Variants in SCYL2 observed in about 807,000 individuals in gnomAD.
SCYL2 encodes the protein SCY1-like protein 2.
A neutral mutation model predicts 100.4 loss-of-function variants in SCYL2; 36 were observed. The observed-to-expected ratio is 0.36, with a 90% CI of 0.27 to 0.47. SCYL2 has a LOEUF of 0.47. SCYL2 is among the 20% of genes least tolerant of loss of function. The probability of loss-of-function intolerance (pLI) is 1.00; values close to 1 mark genes in which losing one functional copy is unlikely to be tolerated. For missense variants in SCYL2, 902 were observed against 1,083.9 expected, an observed-to-expected ratio of 0.83 and a Z score of 2.36; for synonymous variants, 330 against 359.2, an observed-to-expected ratio of 0.92 and a Z score of 0.92.
chr12:100,338,365 G>T (rs2135948882), intron 17 of SCYL2, among the ~76,000 whole-genome samples, 163 bp from the exon 18 acceptor site: 1 of 152,204 alleles, frequency 6.6e-6, no homozygotes, highest in East Asian at 1.9e-4. Context: ...TATAAAAATA[G>T]GTGGCAGGCT....
At chr12:100,291,073 T>G (rs2096309997) in intron 2 of SCYL2, among the ~76,000 whole-genome samples, 1 of 152,196 alleles carries the variant, frequency 6.6e-6, no homozygotes, top group South Asian at 2.1e-4. Flanking sequence ...TACTACAAAT[T>G]CATTTTTCTT....
At chr12:100,318,059 A>G (rs371664409) in intron 10 of SCYL2, 134 bp downstream of exon 10, 2 of 764,018 alleles carry the variant, frequency 2.6e-6, no homozygotes, top group African/African-American at 3.6e-5. Flanking sequence ...TTTGAATCAC[A>G]TTATTGATAT....
intron 1 of SCYL2, among the ~76,000 whole-genome samples, chr12:100,271,583 T>G (rs564959738): frequency 8.5e-5 from 13 of 152,328 alleles, no homozygotes; most frequent in Admixed American, 2.6e-4. Context: ...TGTTTTATAT[T>G]GTTGTTCTTT....
At chr12:100,279,061 C>T (rs1157496785) in intron 1 of SCYL2, among the ~76,000 whole-genome samples, 1 of 152,046 alleles carries the variant, frequency 6.6e-6, no homozygotes, top group East Asian at 1.9e-4. Context: ...TGTGTTTATC[C>T]TGTGTGTGGT....
At position 100,267,642 on chromosome 12, in the gene SCYL2, G is replaced by C. The variant is rs2096280176; in HGVS notation, c.-179G>C. The C allele has an allele frequency of 6.6e-6, 1 of 152,348 alleles. No individual in the cohort carries two copies. The highest frequency in any genetic ancestry group is 2.0e-4 in the South Asian group (1 of 4,930). 9.4% of individuals were successfully genotyped at this position (152,348 alleles called of 1,614,324 possible). On this transcript the variant is annotated 5_prime_UTR_variant, in exon 1 of 18. Transcript: ENST00000360820. Reference sequence around the variant, plus strand: ...TCCGGGGAGCGGATCCGAGAGGGCCGAGTCCTCGAAAGAGGCCTTGAGGCG... The same window carrying C: ...TCCGGGGAGCGGATCCGAGAGGGCCCAGTCCTCGAAAGAGGCCTTGAGGCG...
chr12:100,283,188 G>T (rs890049597), intron 2 of SCYL2, 41 bp downstream of exon 2: 3 of 1,505,400 alleles, frequency 2.0e-6, no homozygotes, highest in African/African-American at 2.8e-5. Flanking sequence ...AAACCCACAT[G>T]CTAAGAACCA....
Position 100,267,208 on chromosome 12 carries a change from C to G in SCYL2, c.-613C>G. On this transcript the variant is annotated 5_prime_UTR_variant, in exon 1 of 18. Coordinates refer to ENST00000360820, the MANE Select transcript of SCYL2 (RefSeq NM_017988.6). ...TTTCCCCCTCCCTTACTCTTCGTCC[C>G]CGGTCCCTCCCCTCCCCACCCCTTT... 7 of 961,014 alleles carry G rather than the reference C, an allele frequency of 7.3e-6. No homozygotes were observed. The highest frequency in any genetic ancestry group is 6.8e-5 in the South Asian group (4 of 58,674). 59.5% of individuals were successfully genotyped at this position (961,014 alleles called of 1,614,324 possible). A position where few individuals can be genotyped will look rare whatever the true frequency, so the allele number is the denominator to read the frequency against.
chr12:100,299,138 G>A (rs765377985), intron 4 of SCYL2, among the ~76,000 whole-genome samples: 4 of 152,078 alleles, frequency 2.6e-5, no homozygotes, highest in Non-Finnish European at 5.9e-5. Flanking sequence ...AGGAGGCTGA[G>A]TCAGGAGGAT....
chr12:100,336,732 C>T (rs1405202614), intron 16 of SCYL2, among the ~76,000 whole-genome samples: 2 of 152,018 alleles, frequency 1.3e-5, no homozygotes, highest in African/African-American at 4.8e-5. Context: ...TTTGCTCCCC[C>T]TCTGATTTTG....
intron 3 of SCYL2, among the ~76,000 whole-genome samples, chr12:100,294,385 G>C (rs1331323045): frequency 1.1e-4 from 12 of 113,020 alleles, no homozygotes; most frequent in South Asian, 3.1e-4. Context: ...GCGGGGGGCT[G>C]ACCCCCCCAC....
At chr12:100,331,399 G>C (rs1366994901) in intron 13 of SCYL2, among the ~76,000 whole-genome samples, 2 of 152,114 alleles carry the variant, frequency 1.3e-5, no homozygotes, top group Non-Finnish European at 2.9e-5. Flanking sequence ...CTTGAGCTCA[G>C]GAGTTTGAGA....
chr12:100,268,997 C>A (rs142763034), intron 1 of SCYL2, among the ~76,000 whole-genome samples: 1 of 152,310 alleles, frequency 6.6e-6, no homozygotes, highest in Non-Finnish European at 1.5e-5. Context: ...ATCCTGACTA[C>A]TTCCGTAGCC....
At chr12:100,306,115 A>G (rs1406132997) in intron 4 of SCYL2, among the ~76,000 whole-genome samples, 1 of 152,258 alleles carries the variant, frequency 6.6e-6, no homozygotes, top group East Asian at 1.9e-4. Context: ...ACTATTCCAA[A>G]CAATAGAAAA....
chr12:100,338,410 G>T (rs1952307575), intron 17 of SCYL2, 118 bp from the exon 18 acceptor site: 1 of 854,166 alleles, frequency 1.2e-6, no homozygotes. Context: ...TGCTAATTTG[G>T]TGTAGACCAT....
At chr12:100,275,964 A>C (rs2096292091) in intron 1 of SCYL2, among the ~76,000 whole-genome samples, 1 of 152,030 alleles carries the variant, frequency 6.6e-6, no homozygotes, top group South Asian at 2.1e-4. Flanking sequence ...AGTTAATGTG[A>C]ATTACATGGA....
At chr12:100,273,052 A>G (rs182146801) in intron 1 of SCYL2, among the ~76,000 whole-genome samples, 12 of 152,208 alleles carry the variant, frequency 7.9e-5, no homozygotes, top group African/African-American at 2.6e-4. Flanking sequence ...CAGTCTTGCC[A>G]TATTCTCAGC....
At chr12:100,268,698 T>A (rs2096283149) in intron 1 of SCYL2, among the ~76,000 whole-genome samples, 1 of 152,210 alleles carries the variant, frequency 6.6e-6, no homozygotes, top group Non-Finnish European at 1.5e-5. Context: ...TCTAGACAGA[T>A]CAACCCTGTT....
At chr12:100,292,225 C>T (rs1004192038) in intron 3 of SCYL2, among the ~76,000 whole-genome samples, 1 of 152,204 alleles carries the variant, frequency 6.6e-6, no homozygotes, top group African/African-American at 2.4e-5. Context: ...TTTAATACTC[C>T]TTTAGATACG....
At chr12:100,306,713 G>C (rs1371974594) in intron 4 of SCYL2, among the ~76,000 whole-genome samples, 1 of 152,204 alleles carries the variant, frequency 6.6e-6, no homozygotes, top group Non-Finnish European at 1.5e-5. Context: ...TATTGTCTCT[G>C]TTTGCAGATG....
Sources: gnomAD v4.1 joint callset for allele counts (sites outside exome capture counted in the v4.1 genomes callset) on GRCh38, gnomAD v4.1.1 for gene constraint, MANE v1.5 for transcripts, NCBI Gene and HGNC (gene_info 2026-07-23, HGNC 2026-07-21) for gene names.